Variants in DPYD observed in about 807,000 individuals in gnomAD.
DPYD encodes the protein dihydropyrimidine dehydrogenase [NADP(+)].
A neutral mutation model predicts 116.2 loss-of-function variants in DPYD; 109 were observed. The observed-to-expected ratio is 0.94, with a 90% confidence interval of 0.80 to 1.10. DPYD has a LOEUF of 1.10. Ranked by LOEUF, DPYD falls within the 50% of genes least tolerant of loss-of-function variation. The pLI, the probability that DPYD is intolerant of heterozygous loss-of-function variation, is 0.00. For missense variants in DPYD, 1,302 were observed against 1,254.5 expected, an observed-to-expected ratio of 1.04 and a Z score of -0.57; for synonymous variants, 440 against 432.0, an observed-to-expected ratio of 1.02 and a Z score of -0.23.
At chr1:97,533,612 C>T (rs538375656) in intron 12 of DPYD, among the ~76,000 whole-genome samples, 1 of 151,954 alleles carries the variant, frequency 6.6e-6, no homozygotes, top group Middle Eastern at 3.4e-3. Context: ...GTGAGAGTGA[C>T]GAAGGTAAAT....
chr1:97,864,400 A>G (rs1558016906), intron 2 of DPYD, among the ~76,000 whole-genome samples: 1 of 151,876 alleles, frequency 6.6e-6, no homozygotes, highest in African/African-American at 2.4e-5. Context: ...AACATATTTG[A>G]ATGGTGATTG....
chr1:97,512,338 C>T (rs780701893), intron 13 of DPYD, among the ~76,000 whole-genome samples: 22 of 151,808 alleles, frequency 1.4e-4, no homozygotes, highest in Non-Finnish European at 2.2e-4. Flanking sequence ...CTTATTAAAA[C>T]AAAATCTATT....
intron 20 of DPYD, among the ~76,000 whole-genome samples, chr1:97,155,718 C>A (rs1655397149): frequency 6.6e-6 from 1 of 150,564 alleles, no homozygotes; most frequent in South Asian, 2.1e-4. Flanking sequence ...TCTTTAGATT[C>A]TTTTGTGCTA....
chr1:97,601,617 C>T (rs1359007772), intron 8 of DPYD, among the ~76,000 whole-genome samples: 1 of 151,948 alleles, frequency 6.6e-6, no homozygotes, highest in South Asian at 2.1e-4. Flanking sequence ...TAAAGTGTTT[C>T]ATCTGTCACT....
At chr1:97,152,434 T>TCACACACA (rs1165081808) in intron 20 of DPYD, among the ~76,000 whole-genome samples, 43 of 106,502 alleles carry the variant, frequency 4.0e-4, no homozygotes, top group Non-Finnish European at 6.8e-4. Context: ...GATGGCTGAA[T>TCACACACA]CACATACACA....
At chr1:97,374,944 G>T (rs900091598) in intron 15 of DPYD, among the ~76,000 whole-genome samples, 1 of 147,532 alleles carries the variant, frequency 6.8e-6, no homozygotes, top group East Asian at 2.0e-4. Context: ...CAGGAGAATC[G>T]CTTGAACCTG....
chr1:97,429,545 A>G (rs970675177), intron 14 of DPYD, among the ~76,000 whole-genome samples: 2 of 152,014 alleles, frequency 1.3e-5, no homozygotes, highest in Admixed American at 6.6e-5. Context: ...CTGAGGTTCA[A>G]TTCCTGGGTT....
intron 2 of DPYD, among the ~76,000 whole-genome samples, chr1:97,851,249 C>CATATATATAT (rs60887494): frequency 0.017 from 2,480 of 146,882 alleles, 38 homozygotes; most frequent in African/African-American, 0.039. Flanking sequence ...GTCTAATTAC[C>CATATATATAT]ATATATATAT....
At chr1:97,891,324 T>C (rs933998286) in intron 1 of DPYD, among the ~76,000 whole-genome samples, 8 of 152,000 alleles carry the variant, frequency 5.3e-5, no homozygotes, top group Middle Eastern at 3.4e-3. Context: ...ACATTACTTA[T>C]ACAGGGAGAT....
chr1:97,692,638 C>A (rs890633239), intron 6 of DPYD, among the ~76,000 whole-genome samples: 3 of 152,134 alleles, frequency 2.0e-5, no homozygotes, highest in African/African-American at 7.2e-5. Context: ...TTACGAAGTG[C>A]CAGCTAAGTG....
At chr1:97,245,537 T>G (rs1044345882) in intron 18 of DPYD, among the ~76,000 whole-genome samples, 4 of 152,108 alleles carry the variant, frequency 2.6e-5, no homozygotes, top group Non-Finnish European at 5.9e-5. Context: ...TGCTTAAGGA[T>G]GTCCAGAGCA....
intron 4 of DPYD, among the ~76,000 whole-genome samples, chr1:97,737,267 T>C (rs1026290211): frequency 6.6e-6 from 1 of 152,132 alleles, no homozygotes; most frequent in African/African-American, 2.4e-5. Flanking sequence ...GAGGGGTAAA[T>C]ACTTATTATC....
intron 14 of DPYD, among the ~76,000 whole-genome samples, chr1:97,431,604 A>G (rs1675180948): frequency 6.6e-6 from 1 of 152,054 alleles, no homozygotes; most frequent in Non-Finnish European, 1.5e-5. Flanking sequence ...ATTTTTATGG[A>G]GTACCTATGA....
intron 20 of DPYD, among the ~76,000 whole-genome samples, chr1:97,192,376 A>G (rs1351407481): frequency 6.6e-6 from 1 of 152,026 alleles, no homozygotes; most frequent in African/African-American, 2.4e-5. Context: ...TGATGTAGTG[A>G]CAAGCTGAAA....
intron 10 of DPYD, among the ~76,000 whole-genome samples, chr1:97,579,919 G>A (rs1215254098): frequency 6.6e-6 from 1 of 152,122 alleles, no homozygotes; most frequent in Non-Finnish European, 1.5e-5. Context: ...CCATATTCAG[G>A]AAAGATATGT....
chr1:97,591,942 A>T (rs1011450573), intron 10 of DPYD, among the ~76,000 whole-genome samples: 1 of 152,080 alleles, frequency 6.6e-6, no homozygotes, highest in Non-Finnish European at 1.5e-5. Context: ...TGGATTTTAT[A>T]AAAAAGTCTA....
intron 10 of DPYD, among the ~76,000 whole-genome samples, chr1:97,580,274 A>G (rs772884961): frequency 2.0e-5 from 3 of 152,278 alleles, no homozygotes; most frequent in Non-Finnish European, 2.9e-5. Flanking sequence ...CTAATTGACC[A>G]TTTATCCATT....
At position 97,477,604 on chromosome 1, in the gene DPYD, C is replaced by CTTTTTT. The variant is rs56199931; in HGVS notation, c.1741-27387_1741-27382dup. 6.5e-4 allele frequency among the ~76,000 whole-genome samples: 74 copies of CTTTTTT among 113,674 alleles called. 3 individuals are homozygous for CTTTTTT. The highest frequency in any genetic ancestry group is 1.1e-3 in the Non-Finnish European group (62 of 55,658). The allele number at this position is 113,674 out of a possible 152,430, so 74.6% of individuals were successfully genotyped here. ...CTGACCTCCTTCCATGACTGTTCTT[C>CTTTTTT]TTTTTTTTTTTTTTTTTTTTTTTTT... On this transcript the variant is annotated intron_variant, in intron 13 of 22. Transcript: ENST00000370192.
At chr1:97,823,755 A>G (rs1195615829) in intron 3 of DPYD, among the ~76,000 whole-genome samples, 1 of 151,972 alleles carries the variant, frequency 6.6e-6, no homozygotes, top group Non-Finnish European at 1.5e-5. Context: ...TCTCAATCTC[A>G]AAAGTCACTT....
Sources: allele counts gnomAD v4.1 joint callset (sites outside exome capture counted in the v4.1 genomes callset), GRCh38; gene constraint gnomAD v4.1.1; transcripts MANE v1.5; gene names NCBI Gene and HGNC (gene_info 2026-07-23, HGNC 2026-07-21).